The following BRIP1 variants were observed in gnomAD, a reference collection of about 807,000 sequenced individuals.
BRIP1 encodes Fanconi anemia group J protein.
A neutral mutation model predicts 119.7 loss-of-function variants in BRIP1; 88 were observed. That is an observed-to-expected ratio of 0.74 (90% confidence interval 0.62 to 0.88). The LOEUF is 0.88. Among genes scored for constraint, BRIP1 ranks in the 40% least tolerant of loss-of-function variants. The pLI is 0.00. For missense variants in BRIP1, 1,259 were observed against 1,455.4 expected, an observed-to-expected ratio of 0.87 and a Z score of 2.20; for synonymous variants, 443 against 496.5, an observed-to-expected ratio of 0.89 and a Z score of 1.43.
intron 16 of BRIP1, among the ~76,000 whole-genome samples, chr17:61,728,391 A>G (rs1458390789): frequency 6.6e-6 from 1 of 152,148 alleles, no homozygotes; most frequent in Admixed American, 6.5e-5. Flanking sequence ...AAAGACAAAT[A>G]GGAAACAGAA....
intron 6 of BRIP1, among the ~76,000 whole-genome samples, chr17:61,829,089 T>G (rs1275065935): frequency 6.6e-6 from 1 of 151,996 alleles, no homozygotes. Flanking sequence ...AGAAAACAAA[T>G]AGTAACCACA....
intron 18 of BRIP1, among the ~76,000 whole-genome samples, chr17:61,692,566 C>T (rs572015065): frequency 4.6e-5 from 7 of 152,016 alleles, no homozygotes; most frequent in Non-Finnish European, 8.8e-5. Flanking sequence ...AGATGTTTCT[C>T]CAAAGAAGAC....
intron 16 of BRIP1, among the ~76,000 whole-genome samples, chr17:61,718,988 A>G (rs2061927638): frequency 6.6e-6 from 1 of 152,212 alleles, no homozygotes. Flanking sequence ...TAATGACAAG[A>G]AAAAAATCTG....
Position 61,789,495 on chromosome 17 carries a change from C to T in BRIP1, c.1473+4102G>A, listed in dbSNP as rs1303902353. On this transcript the variant is annotated intron_variant, in intron 10 of 19. Coordinates refer to ENST00000259008, the MANE Select transcript of BRIP1 (RefSeq NM_032043.3). The surrounding 1 kb of genome is among the most constrained non-coding windows in gnomAD (Gnocchi z 4.8). ...ATTTATAAATCCCATCCTTTATAAA[C>T]AATAAATACCTTAAAATTTTTAGGA... Among the ~76,000 whole-genome samples, 2 of 151,874 alleles carry T rather than the reference C, an allele frequency of 1.3e-5. No homozygotes were observed. Among genetic ancestry groups the T allele is most frequent in the Admixed American group, 6.6e-5 (1 of 15,238 alleles).
intron 17 of BRIP1, among the ~76,000 whole-genome samples, chr17:61,694,240 C>G (rs2061491289): frequency 6.6e-6 from 1 of 152,106 alleles, no homozygotes; most frequent in South Asian, 2.1e-4. Flanking sequence ...AATTGTTACT[C>G]CAAATTATCC....
chr17:61,791,019 T>C (rs902182619), intron 10 of BRIP1, among the ~76,000 whole-genome samples: 24 of 152,166 alleles, frequency 1.6e-4, no homozygotes, highest in African/African-American at 5.8e-4. Flanking sequence ...ATTCTTACAA[T>C]AGATACCACG....
intron 10 of BRIP1, among the ~76,000 whole-genome samples, chr17:61,788,506 GAC>G (rs2145195084): frequency 6.6e-6 from 1 of 152,188 alleles, no homozygotes; most frequent in African/African-American, 2.4e-5. Context: ...TAAAACAAAG[GAC>G]AGCTGATACA....
intron 10 of BRIP1, 117 bp from the exon 11 acceptor site, chr17:61,784,541 T>C (rs2077675406): frequency 2.2e-6 from 2 of 926,488 alleles, no homozygotes; most frequent in African/African-American, 1.6e-5. Flanking sequence ...GTGAACAGAA[T>C]TGCTATAGTT....
rs773112185 is a variant in BRIP1, at chr17:61,735,980, G to A, written c.2379+7033C>T. ...CACACTTGTGACCAATGGAAACTGAGATAATAAATGTGTGTTAAGCCACTA... is the reference window on the plus strand; with the variant it reads ...CACACTTGTGACCAATGGAAACTGAAATAATAAATGTGTGTTAAGCCACTA... On this transcript the variant is annotated intron_variant, in intron 16 of 19. Coordinates refer to ENST00000259008, the MANE Select transcript of BRIP1 (RefSeq NM_032043.3). The surrounding 1 kb of genome is among the most constrained non-coding windows in gnomAD (Gnocchi z 4.4). Among the ~76,000 whole-genome samples, 4 of 151,968 alleles carry A rather than the reference G, an allele frequency of 2.6e-5. No homozygotes were observed. The highest frequency in any genetic ancestry group is 4.4e-5 in the Non-Finnish European group (3 of 67,998).
chr17:61,718,148 A>G (rs944892960), intron 16 of BRIP1, among the ~76,000 whole-genome samples: 6 of 152,142 alleles, frequency 3.9e-5, no homozygotes, highest in Non-Finnish European at 7.4e-5. Flanking sequence ...TTTCCTCTGT[A>G]TTATGGGTTA....
chr17:61,861,395 G>A lies in BRIP1; in HGVS notation c.93+52C>T, dbSNP rs2078970129. 8.7e-7 allele frequency: 1 copy of A among 1,155,544 alleles called. No individual in the cohort carries two copies. The highest frequency in any genetic ancestry group is 1.2e-5 in the South Asian group (1 of 80,808). The allele number at this position is 1,155,544 out of a possible 1,614,324, so 71.6% of individuals were successfully genotyped here. A position where few individuals can be genotyped will look rare whatever the true frequency, so the allele number is the denominator to read the frequency against. On this transcript the variant is annotated intron_variant, in intron 2 of 19. Coordinates refer to ENST00000259008, the MANE Select transcript of BRIP1 (RefSeq NM_032043.3). The surrounding 1 kb of genome is among the most constrained non-coding windows in gnomAD (Gnocchi z 4.5). The stretch of plus-strand genomic sequence containing the variant: ...AGTCAAATACTCAATGTACTTTATG[G>A]GTCATAAGTATCTATATCTTAATAA...
rs924561455 is a variant in BRIP1 at position 61,725,816 on chromosome 17, G to T, written c.2380-9753C>A. The stretch of plus-strand genomic sequence containing the variant: ...TAAAAAAAAAAATTATTTTAGAGAC[G>T]CAGTCTCACTACATTGCCCAGGCTG... On this transcript the variant is annotated intron_variant, in intron 16 of 19. Transcript: ENST00000259008. This position sits in a 1 kb window ranked among gnomAD's most constrained non-coding sequence, Gnocchi z 5.3. Among the ~76,000 whole-genome samples, 3 of 151,986 alleles carry T rather than the reference G, an allele frequency of 2.0e-5. No homozygotes were observed. Among genetic ancestry groups the T allele is most frequent in the Non-Finnish European group, 4.4e-5 (3 of 68,008 alleles).
In BRIP1 at chr17:61,705,220, C is replaced by T. The variant is rs979561399; in HGVS notation, c.2492+10731G>A. On this transcript the variant is annotated intron_variant, in intron 17 of 19. Coordinates refer to ENST00000259008, the MANE Select transcript of BRIP1 (RefSeq NM_032043.3). This position sits in a 1 kb window ranked among gnomAD's most constrained non-coding sequence, Gnocchi z 5.0. ...GGTTTTCTGTTTCTGTGTTAGTTTG[C>T]TTAGGATAATGGCCTCCAGTTGCAT... Among the ~76,000 whole-genome samples the T allele has an allele frequency of 5.3e-5, 8 of 152,076 alleles. No individual in the cohort carries two copies. The highest frequency in any genetic ancestry group is 1.9e-4 in the African/African-American group (8 of 41,426).
chr17:61,732,502 T>G (rs1387274494), intron 16 of BRIP1, among the ~76,000 whole-genome samples: 6 of 152,172 alleles, frequency 3.9e-5, no homozygotes, highest in African/African-American at 7.2e-5. Flanking sequence ...CCTAAGCATC[T>G]GAGCACCTGG....
At chr17:61,859,662 T>C in intron 3 of BRIP1, 134 bp downstream of exon 3, 1 of 685,234 alleles carries the variant, frequency 1.5e-6, no homozygotes, top group Non-Finnish European at 2.6e-6. Context: ...GATTTATAAC[T>C]TATTTCAAAG....
intron 14 of BRIP1, among the ~76,000 whole-genome samples, chr17:61,772,608 C>A (rs567440516): frequency 6.6e-6 from 1 of 151,930 alleles, no homozygotes; most frequent in East Asian, 1.9e-4. Flanking sequence ...CATCTGAGGT[C>A]GGGAGTTCAA....
In BRIP1 at chr17:61,846,610, C is replaced by T. The variant is rs2078736234; in HGVS notation, c.627+491G>A. Among the ~76,000 whole-genome samples the T allele has an allele frequency of 6.6e-6, 1 of 152,156 alleles. No individual in the cohort carries two copies. The highest frequency in any genetic ancestry group is 2.1e-4 in the South Asian group (1 of 4,834). Reference sequence around the variant, plus strand: ...CCATGTTGCCCAGGCTGGTTTCAAACTCGTGAACTCAAGTGATCCACCCGC... The same window carrying T: ...CCATGTTGCCCAGGCTGGTTTCAAATTCGTGAACTCAAGTGATCCACCCGC... On this transcript the variant is annotated intron_variant, in intron 6 of 19. Coordinates refer to ENST00000259008, the MANE Select transcript of BRIP1 (RefSeq NM_032043.3). This position sits in a 1 kb window ranked among gnomAD's most constrained non-coding sequence, Gnocchi z 4.3.
rs776061324 is a variant in BRIP1, at chr17:61,680,481, T to TTTCTTTC, written c.*2814_*2815insGAAAGAA. On this transcript the variant is annotated 3_prime_UTR_variant, in exon 20 of 20. Transcript: ENST00000259008. Reference sequence around the variant, plus strand: ...GTTTACCAATTCTAAAGGTAATTTCTTTTTTTTTTTTTTTTTGAGACGGAG... The same window carrying TTTCTTTC: ...GTTTACCAATTCTAAAGGTAATTTCTTTCTTTCTTTTTTTTTTTTTTTTGAGACGGAG... Among the ~76,000 whole-genome samples, 1 of 18,002 alleles carries TTTCTTTC rather than the reference T, an allele frequency of 5.6e-5. No individual in the cohort carries two copies. Among genetic ancestry groups the TTTCTTTC allele is most frequent in the Non-Finnish European group, 1.1e-4 (1 of 9,118 alleles). The allele number at this position is 18,002 out of a possible 152,430, so 11.8% of individuals were successfully genotyped here.
chr17:61,861,126 C>A lies in BRIP1; in HGVS notation c.93+321G>T, dbSNP rs549565009. ...AATTTTCTACATGATCCAAACAAAA[C>A]AATGGTGAGAAAAATAGTATTCTGT... On this transcript the variant is annotated intron_variant, in intron 2 of 19. Transcript: ENST00000259008. The surrounding 1 kb of genome is among the most constrained non-coding windows in gnomAD (Gnocchi z 4.5). Among the ~76,000 whole-genome samples, 8 of 152,166 alleles carry A rather than the reference C, an allele frequency of 5.3e-5. No individual in the cohort carries two copies. In the South Asian group the frequency reaches 1.0e-3, roughly 20 times the overall value.
Sources: allele counts gnomAD v4.1 joint callset (sites outside exome capture counted in the v4.1 genomes callset), GRCh38; gene constraint gnomAD v4.1.1; non-coding constraint Gnocchi (gnomAD v3.1); transcripts MANE v1.5; gene names NCBI Gene and HGNC (gene_info 2026-07-23, HGNC 2026-07-21).